The following TEX261 variants were observed in gnomAD, a reference collection of about 807,000 sequenced individuals.
TEX261 encodes the protein testis expressed 261, also known as protein TEX261.
In TEX261, 13 loss-of-function variants were observed where a neutral mutation model predicts 25.1. That is an observed-to-expected ratio of 0.52 (90% CI 0.34 to 0.82). The LOEUF is 0.82. TEX261 is among the 40% of genes least tolerant of loss of function. The probability of loss-of-function intolerance (pLI) is 0.02; values close to 1 mark genes in which losing one functional copy is unlikely to be tolerated. For synonymous variants in TEX261, 92 were observed against 97.8 expected (o/e 0.94, Z 0.35); for missense variants, 206 against 243.2 (o/e 0.85, Z 1.02).
chr2:70,993,787 G>T lies in TEX261; in HGVS notation c.71-12C>A. The T allele has an allele frequency of 6.2e-7, 1 of 1,609,338 alleles. No individual in the cohort carries two copies. Among genetic ancestry groups the T allele is most frequent in the African/African-American group, 1.3e-5 (1 of 74,902 alleles). ...ATAGAGTCCAGCCGCTGCAGGGTGG[G>T]AGGCAGGGAGACTATCAGCCAGGGT... On this transcript the variant is annotated splice_polypyrimidine_tract_variant and intron_variant, in intron 1 of 5. Transcript: ENST00000272438.
At position 70,994,677 on chromosome 2, in the gene TEX261, T is replaced by C. The variant is rs1553426034; in HGVS notation, c.70+11A>G. The C allele has an allele frequency of 1.3e-6, 2 of 1,592,094 alleles. No homozygotes were observed. The highest frequency in any genetic ancestry group is 1.7e-6 in the Non-Finnish European group (2 of 1,170,644). The stretch of plus-strand genomic sequence containing the variant: ...CGGGAGCCCGCGCGGGCCGGGGTCG[T>C]GCAGTCTCACCGACAGCCAGCGTGA... On this transcript the variant is annotated intron_variant, in intron 1 of 5. Transcript: ENST00000272438.
At chr2:70,990,396 G>T (rs1386257784) in intron 3 of TEX261, among the ~76,000 whole-genome samples, 1 of 152,052 alleles carries the variant, frequency 6.6e-6, no homozygotes, top group African/African-American at 2.4e-5. Context: ...CTGCCCCCAG[G>T]TAAGGCATAC....
intron 3 of TEX261, among the ~76,000 whole-genome samples, chr2:70,990,177 G>A (rs1172700808): frequency 6.6e-6 from 1 of 152,212 alleles, no homozygotes; most frequent in Non-Finnish European, 1.5e-5. Context: ...AATCATGGGT[G>A]TGCAGACCAG....
chr2:70,993,581 G>T, intron 2 of TEX261, 115 bp downstream of exon 2: 2 of 866,626 alleles, frequency 2.3e-6, no homozygotes, highest in Admixed American at 1.8e-5. Context: ...AAGAGTGTAT[G>T]CTCAGGAAAC....
Position 70,989,757 on chromosome 2 carries a change from A to G in TEX261, c.364T>C (p.Phe122Leu). 6.2e-7 allele frequency: 1 copy of G among 1,610,462 alleles called. No homozygotes were observed. The change falls in exon 4 of 6, where the codon TTC (phenylalanine) becomes CTC (leucine). Residue 122 changes from phenylalanine to leucine, a missense_variant. By Grantham distance (22) the Phe-to-Leu change is conservative. Coordinates refer to ENST00000272438, the MANE Select transcript of TEX261 (RefSeq NM_144582.3). ...TGCTGGACACTTCTTACCTCTGAGA[A>G]GGGATAATATTCTTCTGCAAAAAAC... ...FQFFAEEYYP[F>L]SEVLAYFTFC...
rs1558692873 is a variant in TEX261 at position 70,989,752 on chromosome 2, T to A, written c.369A>T (p.Ser123=). The A allele has an allele frequency of 4.3e-6, 7 of 1,609,308 alleles. No homozygotes were observed. The highest frequency in any genetic ancestry group is 6.0e-6 in the Non-Finnish European group (7 of 1,175,588). ...QFFAEEYYPF[S]EVLAYFTFCL... ...GAATGTGCTGGACACTTCTTACCTC[T>A]GAGAAGGGATAATATTCTTCTGCAA... The change falls in exon 4 of 6, where the codon TCA becomes TCT. Residue 123 remains serine (S), a synonymous_variant. Coordinates refer to ENST00000272438, the MANE Select transcript of TEX261 (RefSeq NM_144582.3).
At position 70,993,785 on chromosome 2, in the gene TEX261, G is replaced by T. The variant is rs781798041; in HGVS notation, c.71-10C>A. ...TAATAGAGTCCAGCCGCTGCAGGGTGGGAGGCAGGGAGACTATCAGCCAGG... is the reference window on the plus strand; with the variant it reads ...TAATAGAGTCCAGCCGCTGCAGGGTTGGAGGCAGGGAGACTATCAGCCAGG... On this transcript the variant is annotated splice_polypyrimidine_tract_variant and intron_variant, in intron 1 of 5. Transcript: ENST00000272438. 11 of 1,609,580 alleles carry T rather than the reference G, an allele frequency of 6.8e-6. No individual in the cohort carries two copies. Among genetic ancestry groups the T allele is most frequent in the Admixed American group, 1.7e-5 (1 of 59,992 alleles).
chr2:70,993,563 A>T (rs1670345623), intron 2 of TEX261, 133 bp downstream of exon 2: 1 of 763,468 alleles, frequency 1.3e-6, no homozygotes, highest in African/African-American at 1.7e-5. Flanking sequence ...CGTTCAGGGC[A>T]AGGAGGTAAG....
At chr2:70,992,378 C>T (rs991762200) in intron 2 of TEX261, among the ~76,000 whole-genome samples, 2 of 152,026 alleles carry the variant, frequency 1.3e-5, no homozygotes, top group African/African-American at 4.8e-5. Flanking sequence ...GCTGGGATTA[C>T]AGGTGTGAGC....
chr2:70,994,551 G>A, intron 1 of TEX261, 137 bp downstream of exon 1: 2 of 1,284,778 alleles, frequency 1.6e-6, no homozygotes, highest in Non-Finnish European at 2.1e-6. Context: ...GATCAGGCGG[G>A]AAGGGGTTGG....
chr2:70,988,956 G>A lies in TEX261; in HGVS notation c.434C>T (p.Ser145Leu), dbSNP rs771971400. 2.2e-5 allele frequency: 36 copies of A among 1,614,082 alleles called. No individual in the cohort carries two copies. Among genetic ancestry groups the A allele is most frequent in the Non-Finnish European group, 2.8e-5 (33 of 1,180,006 alleles). The change falls in exon 5 of 6, where the codon TCG becomes TTG. Residue 145 changes from serine to leucine, a missense_variant. Ser to Leu is a moderately radical substitution (Grantham distance 145). Coordinates refer to ENST00000272438, the MANE Select transcript of TEX261 (RefSeq NM_144582.3). ...AGAGGGCAGGACGTTCTCCCCGGCC[G>A]AAAGTGACACAAAAAACGCAAACGG... The part of the protein sequence containing the change: ...IIPFAFFVSL[S>L]AGENVLPSTM...
chr2:70,993,561 G>C (rs375989176), intron 2 of TEX261, 135 bp downstream of exon 2: 1 of 760,386 alleles, frequency 1.3e-6, no homozygotes, highest in Non-Finnish European at 2.3e-6. Context: ...AGCGTTCAGG[G>C]CAAGGAGGTA....
chr2:70,992,029 A>T lies in TEX261; in HGVS notation c.151-46T>A, dbSNP rs72899725. On this transcript the variant is annotated intron_variant, in intron 2 of 5. Coordinates refer to ENST00000272438, the MANE Select transcript of TEX261 (RefSeq NM_144582.3). Reference sequence around the variant, plus strand: ...CAGTGCAGGGCGCTTCTTCCAGGCAACGTTCCTGGACTCACCAACCCCCAG... The same window carrying T: ...CAGTGCAGGGCGCTTCTTCCAGGCATCGTTCCTGGACTCACCAACCCCCAG... 4.1e-3 allele frequency: 6,152 copies of T among 1,513,216 alleles called. 90 individuals are homozygous for T. Among genetic ancestry groups the T allele is most frequent in the Admixed American group, 0.036 (1,701 of 47,386 alleles). 93.7% of individuals were successfully genotyped at this position (1,513,216 alleles called of 1,614,324 possible).
At chr2:70,990,027 G>A (rs1553425458) in intron 3 of TEX261, among the ~76,000 whole-genome samples, 1 of 152,178 alleles carries the variant, frequency 6.6e-6, no homozygotes, top group African/African-American at 2.4e-5. Context: ...GGCATTCTGA[G>A]TAAAATTAGA....
At chr2:70,993,321 T>C (rs1363483709) in intron 2 of TEX261, among the ~76,000 whole-genome samples, 1 of 152,242 alleles carries the variant, frequency 6.6e-6, no homozygotes, top group African/African-American at 2.4e-5. Context: ...GCAATGAACA[T>C]ATATGCAAAA....
At position 70,994,749 on chromosome 2, in the gene TEX261, G is replaced by A. The variant is rs147546717; in HGVS notation, c.9C>T (p.Phe3=). 1,485 of 1,600,116 alleles carry A rather than the reference G, an allele frequency of 9.3e-4. No individual in the cohort carries two copies. The highest frequency in any genetic ancestry group is 1.1e-3 in the Non-Finnish European group (1,315 of 1,174,940). The change falls in exon 1 of 6, where the codon TTC becomes TTT. Residue 3 remains phenylalanine (F), a synonymous_variant. Transcript: ENST00000272438. ...GCGACAGCCAGCTCAGCAGGTACAT[G>A]AACCACATGGCGCCCCCACCCGCCC... is the stretch of plus-strand genomic sequence containing the variant. MW[F]MYLLSWLSLF...
In TEX261 at chr2:70,989,153, G is replaced by C. The variant is rs892488789; in HGVS notation, c.373-136C>G. The C allele has an allele frequency of 4.3e-5, 31 of 713,954 alleles. No homozygotes were observed. The African/African-American group carries it at 5.1e-4, about 12-fold the overall frequency. 44.2% of individuals were successfully genotyped at this position (713,954 alleles called of 1,614,324 possible). On this transcript the variant is annotated intron_variant, in intron 4 of 5. Coordinates refer to ENST00000272438, the MANE Select transcript of TEX261 (RefSeq NM_144582.3). Reference sequence around the variant, plus strand: ...AAGGGGGCCCAGGCCTGGGAAGCAGGGAACGCCACCCTCAGACATGGAAAT... The same window carrying C: ...AAGGGGGCCCAGGCCTGGGAAGCAGCGAACGCCACCCTCAGACATGGAAAT...
At chr2:70,989,595 C>G (rs1313365847) in intron 4 of TEX261, 154 bp downstream of exon 4, 1 of 639,030 alleles carries the variant, frequency 1.6e-6, no homozygotes, top group Non-Finnish European at 2.8e-6. Flanking sequence ...ATCCACACAG[C>G]TTTCTCAAAC....
At position 70,985,998 on chromosome 2, in the gene TEX261, C is replaced by T. The variant is rs1241919394; in HGVS notation, c.*2602G>A. ...TAGGTGCCAGGCACCAAGCCAGGCA[C>T]TGTTAATACAAAAATTCCAACACAA... On this transcript the variant is annotated 3_prime_UTR_variant, in exon 6 of 6. Transcript: ENST00000272438. 2 of 152,432 alleles carry T rather than the reference C, an allele frequency of 1.3e-5. No homozygotes were observed. The highest frequency in any genetic ancestry group is 2.4e-5 in the African/African-American group (1 of 41,468). 9.4% of individuals were successfully genotyped at this position (152,432 alleles called of 1,614,324 possible).
Sources: allele counts gnomAD v4.1 joint callset (sites outside exome capture counted in the v4.1 genomes callset), GRCh38; gene constraint gnomAD v4.1.1; transcripts MANE v1.5; gene names NCBI Gene and HGNC (gene_info 2026-07-23, HGNC 2026-07-21).